Variants in HACD2 observed in about 807,000 individuals in gnomAD.
HACD2 encodes the protein 3-hydroxyacyl-CoA dehydratase 2, also known as very-long-chain (3R)-3-hydroxyacyl-CoA dehydratase 2.
Under a neutral mutation model 31.0 loss-of-function variants are expected in HACD2, and 15 were observed. The ratio of observed to expected loss-of-function variants is 0.48; its 90% CI spans 0.32 to 0.75. The LOEUF (loss-of-function observed/expected upper bound fraction) is 0.75. Among genes scored for constraint, HACD2 ranks in the 30% least tolerant of loss-of-function variants. HACD2 has a pLI of 0.03. For missense variants in HACD2, 283 were observed against 313.0 expected, an observed-to-expected ratio of 0.90 and a Z score of 0.72; for synonymous variants, 115 against 122.2, an observed-to-expected ratio of 0.94 and a Z score of 0.39.
chr3:123,547,700 G>A (rs960957649), intron 3 of HACD2, among the ~76,000 whole-genome samples: 6 of 152,128 alleles, frequency 3.9e-5, no homozygotes, highest in Admixed American at 2.6e-4. Context: ...GGTGGTATAT[G>A]TTAGACCAAG....
At chr3:123,544,840 C>A (rs949880973) in intron 3 of HACD2, among the ~76,000 whole-genome samples, 1 of 151,768 alleles carries the variant, frequency 6.6e-6, no homozygotes, top group African/African-American at 2.4e-5. Context: ...GATGGTAACA[C>A]AGGCAGGAGG....
At chr3:123,542,146 C>CAAAAAAAAAAAAAAAAAAAAA in intron 3 of HACD2, among the ~76,000 whole-genome samples, 1 of 41,104 alleles carries the variant, frequency 2.4e-5, no homozygotes, top group African/African-American at 1.7e-4. Context: ...GACTCCGTCT[C>CAAAAAAAAAAAAAAAAAAAAA]AAAAAAAAAA....
At chr3:123,546,948 A>G (rs1397338023) in intron 3 of HACD2, among the ~76,000 whole-genome samples, 10 of 152,336 alleles carry the variant, frequency 6.6e-5, no homozygotes, top group African/African-American at 2.4e-4. Flanking sequence ...TGAATCATCT[A>G]TAAAACAGAG....
chr3:123,518,601 C>T (rs945181471), intron 4 of HACD2, among the ~76,000 whole-genome samples: 1 of 152,130 alleles, frequency 6.6e-6, no homozygotes, highest in East Asian at 1.9e-4. Context: ...AAGGCAATGA[C>T]CTTGGCCAAA....
At chr3:123,502,295 T>A (rs2107681196) in intron 5 of HACD2, among the ~76,000 whole-genome samples, 1 of 152,202 alleles carries the variant, frequency 6.6e-6, no homozygotes, top group Admixed American at 6.5e-5. Context: ...TGAAATTTTT[T>A]AAAAAAGAAA....
intron 3 of HACD2, among the ~76,000 whole-genome samples, chr3:123,540,262 AG>A (rs2056474059): frequency 1.3e-5 from 2 of 152,084 alleles, no homozygotes; most frequent in African/African-American, 4.8e-5. Flanking sequence ...ATCTGCCACT[AG>A]CATCTTACTC....
At chr3:123,575,783 T>C (rs113507350) in intron 2 of HACD2, among the ~76,000 whole-genome samples, 8 of 152,342 alleles carry the variant, frequency 5.3e-5, no homozygotes, top group South Asian at 2.1e-4. Flanking sequence ...AAGTTGTTTT[T>C]AACTATTACA....
chr3:123,536,595 C>T (rs1047266747), intron 3 of HACD2, among the ~76,000 whole-genome samples: 3 of 152,154 alleles, frequency 2.0e-5, no homozygotes, highest in African/African-American at 7.2e-5. Flanking sequence ...AATGAAAAAA[C>T]TAAATCTGCA....
rs1048761817 is a variant in HACD2 at position 123,544,966 on chromosome 3, C to T, written c.293-16492G>A. Among the ~76,000 whole-genome samples the T allele has an allele frequency of 6.1e-5, 8 of 130,852 alleles. No individual in the cohort carries two copies. In the South Asian group the frequency reaches 1.8e-3, roughly 29 times the overall value. The allele number at this position is 130,852 out of a possible 152,430, so 85.8% of individuals were successfully genotyped here. On this transcript the variant is annotated intron_variant, in intron 3 of 6. Coordinates refer to ENST00000383657, the MANE Select transcript of HACD2 (RefSeq NM_198402.5). ...GTGCATGCTTGTGGTCCCAGCTACT[C>T]GGGAGGCTGAGGTGGGAGGATTGCT...
chr3:123,498,681 T>G (rs1304080440), intron 6 of HACD2, among the ~76,000 whole-genome samples: 2 of 152,222 alleles, frequency 1.3e-5, no homozygotes, highest in African/African-American at 4.8e-5. Context: ...CTGTCTTCCA[T>G]GAAACCGGTC....
chr3:123,504,619 G>A (rs79223359), intron 4 of HACD2, among the ~76,000 whole-genome samples: 47 of 151,686 alleles, frequency 3.1e-4, no homozygotes, highest in Admixed American at 2.5e-3. Context: ...CCTCCCATCC[G>A]TCCCCAAGTT....
In HACD2 at chr3:123,568,284, TC is replaced by T. The variant is rs368254233; in HGVS notation, c.274-505del. On this transcript the variant is annotated intron_variant, in intron 2 of 6. Coordinates refer to ENST00000383657, the MANE Select transcript of HACD2 (RefSeq NM_198402.5). Reference sequence around the variant, plus strand: ...TTCAATGATCTCACTGCAGAGGTGCTCTCTGGTCCAATCCAACCCTGTCTCC... The same window carrying T: ...TTCAATGATCTCACTGCAGAGGTGCTTCTGGTCCAATCCAACCCTGTCTCC... Among the ~76,000 whole-genome samples the T allele has an allele frequency of 3.0e-3, 457 of 152,310 alleles. 2 individuals are homozygous for T. Among genetic ancestry groups the T allele is most frequent in the Middle Eastern group, 0.01 (3 of 294 alleles).
At chr3:123,553,874 CT>C (rs1232216092) in intron 3 of HACD2, among the ~76,000 whole-genome samples, 1 of 151,830 alleles carries the variant, frequency 6.6e-6, no homozygotes, top group Non-Finnish European at 1.5e-5. Flanking sequence ...AACTTACTAG[CT>C]TGTGAGTAAG....
At chr3:123,518,995 T>TAAAAA (rs67571643) in intron 4 of HACD2, among the ~76,000 whole-genome samples, 40 of 42,424 alleles carry the variant, frequency 9.4e-4, no homozygotes, top group Non-Finnish European at 1.4e-3. Context: ...AGACTCCAAC[T>TAAAAA]AAAAAAAAAA....
At chr3:123,520,411 A>G (rs541388208) in intron 4 of HACD2, among the ~76,000 whole-genome samples, 72 of 152,368 alleles carry the variant, frequency 4.7e-4, no homozygotes, top group African/African-American at 1.7e-3. Flanking sequence ...ACTGTCTAAT[A>G]GTGCAACTTC....
At chr3:123,559,712 A>G (rs1427559906) in intron 3 of HACD2, among the ~76,000 whole-genome samples, 1 of 152,210 alleles carries the variant, frequency 6.6e-6, no homozygotes, top group Non-Finnish European at 1.5e-5. Context: ...TAAGGTCTCA[A>G]TAATAGGTTT....
chr3:123,517,076 A>G (rs2056147578), intron 4 of HACD2, among the ~76,000 whole-genome samples: 1 of 152,236 alleles, frequency 6.6e-6, no homozygotes, highest in Non-Finnish European at 1.5e-5. Context: ...AGTTACCATT[A>G]TTATTCCATG....
chr3:123,505,975 T>C (rs2055970591), intron 4 of HACD2, among the ~76,000 whole-genome samples: 1 of 152,206 alleles, frequency 6.6e-6, no homozygotes, highest in African/African-American at 2.4e-5. Flanking sequence ...AGGAAGGTCC[T>C]ACCAAGGACA....
At chr3:123,543,694 C>A in intron 3 of HACD2, 1 of 418,394 alleles carries the variant, frequency 2.4e-6, no homozygotes, top group African/African-American at 2.1e-5. Context: ...CAAATGATAG[C>A]CACTCGAATT....
Sources: gnomAD v4.1 joint callset for allele counts (sites outside exome capture counted in the v4.1 genomes callset) on GRCh38, gnomAD v4.1.1 for gene constraint, MANE v1.5 for transcripts, NCBI Gene and HGNC (gene_info 2026-07-23, HGNC 2026-07-21) for gene names.